The following RIMS1 variants were observed in gnomAD, a reference collection of about 807,000 sequenced individuals.
RIMS1 encodes the protein regulating synaptic membrane exocytosis protein 1.
In RIMS1, 83 loss-of-function variants were observed where a neutral mutation model predicts 214.1. The observed-to-expected ratio is 0.39, with a 90% CI of 0.32 to 0.47. RIMS1 has a LOEUF of 0.47. Among genes scored for constraint, RIMS1 ranks in the 20% least tolerant of loss-of-function variants. The pLI is 0.99. For synonymous variants in RIMS1, 793 were observed against 786.8 expected (o/e 1.01, Z -0.13); for missense variants, 2,050 against 2,161.8 (o/e 0.95, Z 1.03).
chr6:71,943,419 T>C (rs1192838487), intron 1 of RIMS1, among the ~76,000 whole-genome samples: 1 of 152,208 alleles, frequency 6.6e-6, no homozygotes, highest in Non-Finnish European at 1.5e-5. Flanking sequence ...AGACTCATCA[T>C]TCTGAGTGGG....
intron 1 of RIMS1, among the ~76,000 whole-genome samples, chr6:71,897,592 A>T (rs1437194112): frequency 6.6e-6 from 1 of 152,188 alleles, no homozygotes; most frequent in Non-Finnish European, 1.5e-5. Context: ...AGCTCAAGTG[A>T]CACCTTATCT....
intron 24 of RIMS1, among the ~76,000 whole-genome samples, chr6:72,285,689 T>A (rs192010899): frequency 1.3e-5 from 2 of 152,266 alleles, no homozygotes; most frequent in Admixed American, 1.3e-4. Context: ...GATGAAACAA[T>A]GTTTGTATTT....
chr6:71,894,205 G>A (rs1770887702), intron 1 of RIMS1, among the ~76,000 whole-genome samples: 1 of 152,192 alleles, frequency 6.6e-6, no homozygotes, highest in South Asian at 2.1e-4. Flanking sequence ...AACACTTTGG[G>A]AGGCCAAAGC....
intron 4 of RIMS1, among the ~76,000 whole-genome samples, chr6:72,161,426 T>C (rs1185433378): frequency 1.4e-5 from 2 of 140,162 alleles, no homozygotes; most frequent in Non-Finnish European, 3.2e-5. Flanking sequence ...TTGCCTTCTG[T>C]TAGCTTTTGA....
At chr6:72,076,790 C>T (rs1045766732) in intron 2 of RIMS1, among the ~76,000 whole-genome samples, 1 of 152,150 alleles carries the variant, frequency 6.6e-6, no homozygotes, top group African/African-American at 2.4e-5. Flanking sequence ...TTCCTTACTA[C>T]CTCCAGCATA....
chr6:72,024,865 C>G (rs1190131003), intron 2 of RIMS1, among the ~76,000 whole-genome samples: 2 of 146,466 alleles, frequency 1.4e-5, no homozygotes, highest in Non-Finnish European at 3.0e-5. Flanking sequence ...TATAGTAGAG[C>G]AGAGATTTGA....
At chr6:72,088,764 C>T (rs2153789278) in intron 2 of RIMS1, among the ~76,000 whole-genome samples, 1 of 152,210 alleles carries the variant, frequency 6.6e-6, no homozygotes, top group East Asian at 1.9e-4. Context: ...TACTAATTTT[C>T]TATGAACTTT....
At chr6:71,928,137 G>T (rs1317533898) in intron 1 of RIMS1, among the ~76,000 whole-genome samples, 1 of 152,048 alleles carries the variant, frequency 6.6e-6, no homozygotes, top group Non-Finnish European at 1.5e-5. Context: ...AGTATGTGAT[G>T]ATTCCAGACA....
chr6:72,261,020 G>A, intron 19 of RIMS1: 1 of 1,272,496 alleles, frequency 7.9e-7, no homozygotes, highest in South Asian at 1.6e-5. Flanking sequence ...GGGACTGTTT[G>A]CGTTCCTAAA....
intron 6 of RIMS1, among the ~76,000 whole-genome samples, chr6:72,206,323 T>C (rs760894887): frequency 1.3e-5 from 2 of 152,240 alleles, no homozygotes; most frequent in African/African-American, 2.4e-5. Flanking sequence ...AATTAAATCA[T>C]ATGTCTATGA....
At chr6:72,003,399 A>G (rs1806039392) in intron 2 of RIMS1, among the ~76,000 whole-genome samples, 1 of 152,052 alleles carries the variant, frequency 6.6e-6, no homozygotes, top group African/African-American at 2.4e-5. Flanking sequence ...ACTTCACAGA[A>G]TGCCTTCCTG....
intron 2 of RIMS1, among the ~76,000 whole-genome samples, chr6:72,095,966 A>C (rs1345915820): frequency 6.6e-6 from 1 of 152,192 alleles, no homozygotes; most frequent in Non-Finnish European, 1.5e-5. Flanking sequence ...CATTTTCAAA[A>C]CCAAGACATC....
chr6:72,009,173 C>T (rs1369117426), intron 2 of RIMS1, among the ~76,000 whole-genome samples: 3 of 152,170 alleles, frequency 2.0e-5, no homozygotes, highest in Non-Finnish European at 4.4e-5. Flanking sequence ...AAGAAACTCA[C>T]TCAAAACAGC....
intron 29 of RIMS1, among the ~76,000 whole-genome samples, chr6:72,380,230 C>T (rs2098462943): frequency 6.6e-6 from 1 of 152,102 alleles, no homozygotes; most frequent in Admixed American, 6.5e-5. Flanking sequence ...GGGAACGTCA[C>T]ACACCGGGGT....
chr6:72,213,236 A>G lies in RIMS1; in HGVS notation c.1679-20537A>G, dbSNP rs572860068. 42 of 1,531,662 alleles carry G rather than the reference A, an allele frequency of 2.7e-5. No homozygotes were observed. In the African/African-American group the frequency reaches 4.8e-4, roughly 17 times the overall value. 94.9% of individuals were successfully genotyped at this position (1,531,662 alleles called of 1,614,324 possible). On this transcript the variant is annotated intron_variant, in intron 6 of 33. Coordinates refer to ENST00000521978, the MANE Select transcript of RIMS1 (RefSeq NM_014989.7). ...GAGCAGTTGCTGGTAAGCAATAGAT[A>G]ATGGTAATCCCACTTCATTTTGTCC...
intron 6 of RIMS1, 130 bp downstream of exon 6, chr6:72,183,279 C>A: frequency 1.3e-6 from 1 of 797,176 alleles, no homozygotes; most frequent in South Asian, 1.8e-5. Flanking sequence ...ATAGCGTTAC[C>A]GCCAGTGGAA....
chr6:72,371,542 A>C (rs2098220754), intron 29 of RIMS1, among the ~76,000 whole-genome samples: 1 of 152,208 alleles, frequency 6.6e-6, no homozygotes, highest in Non-Finnish European at 1.5e-5. Context: ...TATGTAGTTG[A>C]AGTGTGAAGT....
intron 6 of RIMS1, among the ~76,000 whole-genome samples, chr6:72,230,500 A>G (rs575497264): frequency 2.0e-5 from 3 of 151,790 alleles, no homozygotes; most frequent in South Asian, 2.1e-4. Flanking sequence ...TAACATACAC[A>G]TGCTCAATCG....
chr6:71,964,648 C>T (rs1793935683), intron 1 of RIMS1, among the ~76,000 whole-genome samples: 1 of 151,688 alleles, frequency 6.6e-6, no homozygotes, highest in African/African-American at 2.4e-5. Context: ...TATGATCAGC[C>T]ACGGTGGAGA....
Sources: gnomAD v4.1 joint callset for allele counts (sites outside exome capture counted in the v4.1 genomes callset) on GRCh38, gnomAD v4.1.1 for gene constraint, MANE v1.5 for transcripts, NCBI Gene and HGNC (gene_info 2026-07-23, HGNC 2026-07-21) for gene names.